Variants in SIN3A observed in about 807,000 individuals in gnomAD.
SIN3A encodes the protein paired amphipathic helix protein Sin3a.
Under a neutral mutation model 146.1 loss-of-function variants are expected in SIN3A, and 14 were observed. The ratio of observed to expected loss-of-function variants is 0.10; its 90% CI spans 0.06 to 0.15. The LOEUF (loss-of-function observed/expected upper bound fraction) is 0.15. SIN3A is among the 10% of genes least tolerant of loss of function. SIN3A has a pLI of 1.00. For missense variants in SIN3A, 1,028 were observed against 1,576.0 expected (o/e 0.65, Z 5.89); for synonymous variants, 572 against 572.0 (o/e 1.00, Z 0.00).
chr15:75,434,425 G>A (rs1437437679), intron 1 of SIN3A, among the ~76,000 whole-genome samples: 2 of 151,866 alleles, frequency 1.3e-5, no homozygotes, highest in South Asian at 2.1e-4. Context: ...CGAGGCAGGC[G>A]GATCACTTGA....
intron 15 of SIN3A, among the ~76,000 whole-genome samples, chr15:75,390,036 T>C (rs2073168482): frequency 6.6e-6 from 1 of 152,232 alleles, no homozygotes; most frequent in Admixed American, 6.5e-5. Flanking sequence ...ACTTTAACAG[T>C]GGCTTCTAAT....
intron 2 of SIN3A, among the ~76,000 whole-genome samples, chr15:75,428,666 A>G (rs562874994): frequency 6.6e-6 from 1 of 152,110 alleles, no homozygotes; most frequent in South Asian, 2.1e-4. Flanking sequence ...CGCCCTGCTA[A>G]TCTTTATTTT....
chr15:75,373,117 G>T (rs1202818000), intron 20 of SIN3A, among the ~76,000 whole-genome samples: 1 of 152,118 alleles, frequency 6.6e-6, no homozygotes, highest in African/African-American at 2.4e-5. Flanking sequence ...AAATTTATTG[G>T]TGTCCACATG....
At chr15:75,389,370 G>A (rs550848919) in intron 16 of SIN3A, among the ~76,000 whole-genome samples, 4 of 152,160 alleles carry the variant, frequency 2.6e-5, no homozygotes, top group South Asian at 4.2e-4. Context: ...CTTACCCATG[G>A]CAGACAAGGT....
intron 5 of SIN3A, 145 bp from the exon 6 acceptor site, chr15:75,411,888 A>G (rs2141494521): frequency 1.3e-6 from 1 of 755,344 alleles, no homozygotes; most frequent in East Asian, 2.7e-5. Context: ...CACAAATCAT[A>G]CTGGGCAGCA....
At chr15:75,437,754 A>G (rs2074131629) in intron 1 of SIN3A, among the ~76,000 whole-genome samples, 1 of 152,224 alleles carries the variant, frequency 6.6e-6, no homozygotes, top group Non-Finnish European at 1.5e-5. Context: ...TTTGGAGTTT[A>G]TAGTACTATC....
intron 3 of SIN3A, among the ~76,000 whole-genome samples, chr15:75,417,752 G>A (rs1369037396): frequency 6.6e-6 from 1 of 152,134 alleles, no homozygotes; most frequent in African/African-American, 2.4e-5. Flanking sequence ...TGGTGCTGTG[G>A]TCTGAAATGT....
intron 3 of SIN3A, chr15:75,421,876 G>A (rs2073844509): frequency 6.6e-6 from 1 of 152,212 alleles, no homozygotes; most frequent in Non-Finnish European, 1.5e-5. Context: ...CTCCAGGGAT[G>A]CCTCATGAAT....
At chr15:75,433,662 T>C (rs1317925798) in intron 1 of SIN3A, among the ~76,000 whole-genome samples, 1 of 151,762 alleles carries the variant, frequency 6.6e-6, no homozygotes, top group Non-Finnish European at 1.5e-5. Flanking sequence ...TACAAAAAAT[T>C]AGCCAGGCGT....
chr15:75,372,634 C>A (rs1305345756), intron 20 of SIN3A, among the ~76,000 whole-genome samples: 3 of 151,982 alleles, frequency 2.0e-5, no homozygotes, highest in Non-Finnish European at 4.4e-5. Context: ...CCAGCCTGGG[C>A]AACATGGCAA....
At chr15:75,383,352 T>C (rs2073011445) in intron 17 of SIN3A, among the ~76,000 whole-genome samples, 1 of 152,086 alleles carries the variant, frequency 6.6e-6, no homozygotes, top group Non-Finnish European at 1.5e-5. Context: ...TAGAGAAGTT[T>C]AGAATCATAG....
intron 1 of SIN3A, among the ~76,000 whole-genome samples, chr15:75,438,912 C>T (rs2074152281): frequency 6.6e-6 from 1 of 152,142 alleles, no homozygotes. Context: ...GTCCAAAAGT[C>T]CACCTCTGGT....
chr15:75,451,372 C>T (rs1271128482), intron 1 of SIN3A, 51 bp downstream of exon 1: 2 of 143,794 alleles, frequency 1.4e-5, no homozygotes, highest in African/African-American at 2.5e-5. Context: ...TCGAGTCCGG[C>T]GTTACCCGCC....
intron 19 of SIN3A, among the ~76,000 whole-genome samples, chr15:75,377,515 T>C (rs2072884450): frequency 6.6e-6 from 1 of 151,722 alleles, no homozygotes; most frequent in Non-Finnish European, 1.5e-5. Flanking sequence ...ATCCCAGCTA[T>C]TCGGGAGGGT....
chr15:75,425,459 C>T (rs1043172106), intron 2 of SIN3A, among the ~76,000 whole-genome samples: 3 of 152,168 alleles, frequency 2.0e-5, no homozygotes, highest in Admixed American at 2.0e-4. Context: ...TGAGCCACCG[C>T]GCCTGGCCTA....
At chr15:75,430,591 T>C (rs1338891551) in intron 1 of SIN3A, among the ~76,000 whole-genome samples, 183 bp from the exon 2 acceptor site, 2 of 152,284 alleles carry the variant, frequency 1.3e-5, no homozygotes, top group East Asian at 3.9e-4. Flanking sequence ...GAACAAGTTA[T>C]AACTGAAAAA....
Position 75,375,085 on chromosome 15 carries a change from C to T in SIN3A, c.3591+580G>A, listed in dbSNP as rs147188041. 9.9e-5 allele frequency among the ~76,000 whole-genome samples: 15 copies of T among 152,220 alleles called. No individual in the cohort carries two copies. The South Asian group carries it at 1.2e-3, about 13-fold the overall frequency. ...AGTAAATTCACCAAAAAGGTGCCACCGGGTATTTACGTGCTCTTACAGGCT... is the reference window on the plus strand; with the variant it reads ...AGTAAATTCACCAAAAAGGTGCCACTGGGTATTTACGTGCTCTTACAGGCT... On this transcript the variant is annotated intron_variant, in intron 20 of 20. Transcript: ENST00000394947.
Position 75,373,647 on chromosome 15 carries a change from C to T in SIN3A, c.3592-1438G>A, listed in dbSNP as rs542082514. On this transcript the variant is annotated intron_variant, in intron 20 of 20. Transcript: ENST00000394947. Reference sequence around the variant, plus strand: ...AGTATAGGCTGGGCACAGTGGCTCACGCCTGTAATCCCAGCACTTTAGGAG... The same window carrying T: ...AGTATAGGCTGGGCACAGTGGCTCATGCCTGTAATCCCAGCACTTTAGGAG... 2.0e-5 allele frequency among the ~76,000 whole-genome samples: 3 copies of T among 151,746 alleles called. No individual in the cohort carries two copies. The East Asian group carries it at 5.8e-4, about 29-fold the overall frequency.
At chr15:75,403,698 G>A (rs917505619) in intron 9 of SIN3A, among the ~76,000 whole-genome samples, 21 of 151,930 alleles carry the variant, frequency 1.4e-4, no homozygotes, top group Admixed American at 1.1e-3. Context: ...CTGCCACAAC[G>A]CCCAGCTAAT....
Sources: gnomAD v4.1 joint callset for allele counts (sites outside exome capture counted in the v4.1 genomes callset) on GRCh38, gnomAD v4.1.1 for gene constraint, MANE v1.5 for transcripts, NCBI Gene and HGNC (gene_info 2026-07-23, HGNC 2026-07-21) for gene names.